The following POLE2 variants were observed in gnomAD, a reference collection of about 807,000 sequenced individuals.
POLE2 encodes the protein DNA polymerase epsilon 2, accessory subunit, also known as DNA polymerase epsilon subunit 2.
A neutral mutation model predicts 79.4 loss-of-function variants in POLE2; 56 were observed. The ratio of observed to expected loss-of-function variants is 0.71; its 90% CI spans 0.57 to 0.88. The LOEUF is 0.88. Among genes scored for constraint, POLE2 ranks in the 40% least tolerant of loss-of-function variants. The pLI is 0.00. For synonymous variants in POLE2, 212 were observed against 214.0 expected (o/e 0.99, Z 0.08); for missense variants, 598 against 638.9 (o/e 0.94, Z 0.69).
At chr14:49,653,914 T>A in intron 15 of POLE2, 76 bp downstream of exon 15, 1 of 838,560 alleles carries the variant, frequency 1.2e-6, no homozygotes, top group Non-Finnish European at 1.9e-6. Context: ...GTGCTGAGAT[T>A]ACAGACATGA....
chr14:49,677,646 T>G, intron 3 of POLE2: 4 of 707,258 alleles, frequency 5.7e-6, no homozygotes, highest in Non-Finnish European at 9.4e-6. Context: ...CTGGGCTGTG[T>G]GATATATGCC....
At chr14:49,673,750 C>A (rs1295902043) in intron 5 of POLE2, among the ~76,000 whole-genome samples, 1 of 152,084 alleles carries the variant, frequency 6.6e-6, no homozygotes, top group Non-Finnish European at 1.5e-5. Context: ...GATCTATGGG[C>A]AAATTACTAA....
In POLE2 at chr14:49,679,788, A is replaced by G. The variant is rs554561242; in HGVS notation, c.182T>C (p.Met61Thr). 6 of 1,592,282 alleles carry G rather than the reference A, an allele frequency of 3.8e-6. No individual in the cohort carries two copies. The African/African-American group carries it at 6.7e-5, about 18-fold the overall frequency. The stretch of plus-strand genomic sequence containing the variant: ...TGCTTCCACCACAGATCGTTCAATC[A>G]TGTTTGATGACACTGAAAAGAGAAT... ...AVEKQPLSSN[M>T]IERSVVEAAV... Residue 61 changes from methionine to threonine, a missense_variant, in exon 3 of 19, where the codon ATG (methionine) becomes ACG (threonine). Met to Thr is a moderately conservative substitution (Grantham distance 81). Coordinates refer to ENST00000216367, the MANE Select transcript of POLE2 (RefSeq NM_002692.4).
intron 5 of POLE2, among the ~76,000 whole-genome samples, chr14:49,670,304 G>A (rs563232377): frequency 4.2e-4 from 38 of 91,426 alleles, no homozygotes; most frequent in East Asian, 1.6e-3. Context: ...CAACAAGAGC[G>A]AAACTGTGTC....
chr14:49,674,033 T>C, intron 5 of POLE2, 90 bp downstream of exon 5: 2 of 818,376 alleles, frequency 2.4e-6, no homozygotes, highest in Non-Finnish European at 4.2e-6. Context: ...TTCCATTCTT[T>C]AAATATCCCT....
At chr14:49,644,400 C>T (rs1477963587) in intron 18 of POLE2, among the ~76,000 whole-genome samples, 1 of 150,958 alleles carries the variant, frequency 6.6e-6, no homozygotes, top group Non-Finnish European at 1.5e-5. Context: ...ATCCCAGCTA[C>T]TCGGGAGGTT....
chr14:49,651,839 C>T (rs1290029090), intron 15 of POLE2, among the ~76,000 whole-genome samples: 1 of 151,962 alleles, frequency 6.6e-6, no homozygotes, highest in African/African-American at 2.4e-5. Context: ...GGAAGAGGGA[C>T]TTAGTCAAGC....
intron 3 of POLE2, chr14:49,677,484 C>A: frequency 2.1e-6 from 1 of 477,756 alleles, no homozygotes; most frequent in South Asian, 2.7e-5. Context: ...CACTTGGATG[C>A]CATGAATCAA....
chr14:49,687,949 C>T (rs1887278573), intron 1 of POLE2, among the ~76,000 whole-genome samples, 187 bp downstream of exon 1: 1 of 152,162 alleles, frequency 6.6e-6, no homozygotes, highest in Non-Finnish European at 1.5e-5. Context: ...CCGCCCGCCT[C>T]GACCTCCCAA....
At chr14:49,653,820 G>T in intron 15 of POLE2, 170 bp downstream of exon 15, 2 of 520,248 alleles carry the variant, frequency 3.8e-6, no homozygotes, top group Admixed American at 3.6e-5. Context: ...GCTAATTTTT[G>T]TACTTTTTGT....
intron 3 of POLE2, among the ~76,000 whole-genome samples, chr14:49,678,156 T>C (rs1351750072): frequency 6.6e-6 from 1 of 151,974 alleles, no homozygotes; most frequent in Admixed American, 6.6e-5. Context: ...TGCACCACCA[T>C]GCCCAGCTAA....
chr14:49,656,564 C>T (rs559240150), intron 10 of POLE2, among the ~76,000 whole-genome samples: 2 of 152,214 alleles, frequency 1.3e-5, no homozygotes, highest in Non-Finnish European at 2.9e-5. Context: ...TATCCAAGAA[C>T]TGTGAAAAAA....
At chr14:49,674,020 A>G in intron 5 of POLE2, 103 bp downstream of exon 5, 1 of 770,696 alleles carries the variant, frequency 1.3e-6, no homozygotes, top group Non-Finnish European at 2.3e-6. Flanking sequence ...TTGGACCACA[A>G]AATTCCATTC....
chr14:49,673,892 T>C (rs1886066039), intron 5 of POLE2, among the ~76,000 whole-genome samples: 1 of 152,224 alleles, frequency 6.6e-6, no homozygotes, highest in Non-Finnish European at 1.5e-5. Context: ...TATTAAATAG[T>C]AACTACTATT....
chr14:49,661,532 C>T (rs865884459), intron 10 of POLE2, among the ~76,000 whole-genome samples: 7 of 152,114 alleles, frequency 4.6e-5, no homozygotes, highest in African/African-American at 1.7e-4. Flanking sequence ...TCAGAAAAGC[C>T]TTACTCACAT....
Position 49,677,821 on chromosome 14 carries a change from C to T in POLE2, c.245+1904G>A, listed in dbSNP as rs1566566176. 6 of 515,390 alleles carry T rather than the reference C, an allele frequency of 1.2e-5. No homozygotes were observed. In the South Asian group the frequency reaches 1.3e-4, roughly 11 times the overall value. The allele number at this position is 515,390 out of a possible 1,614,324, so 31.9% of individuals were successfully genotyped here. On this transcript the variant is annotated intron_variant, in intron 3 of 18. Transcript: ENST00000216367. ...CTGTGGACCTGCAGCAGCACCCTCA[C>T]AATGCTTGCCTCCTCAGTCAGCTGG...
Position 49,674,213 on chromosome 14 carries a change from C to G in POLE2, c.327G>C (p.Leu109=), listed in dbSNP as rs1316191970. 6.2e-7 allele frequency: 1 copy of G among 1,604,868 alleles called. No homozygotes were observed. Among genetic ancestry groups the G allele is most frequent in the Non-Finnish European group, 8.5e-7 (1 of 1,171,712 alleles). ...YNSERKKFLP[L]LMTNHPAPNL... is the part of the protein sequence containing the mutation. ...TTGGTGCAGGGTGGTTGGTCATTAA[C>G]AGACTAGAAAAAGAGAATGCCTATT... Residue 109 remains leucine (L), a synonymous_variant, in exon 5 of 19, where the codon CTG becomes CTC. Transcript: ENST00000216367.
At chr14:49,652,112 G>A (rs73267709) in intron 15 of POLE2, among the ~76,000 whole-genome samples, 2,571 of 151,738 alleles carry the variant, frequency 0.017, 176 homozygotes, top group African/African-American at 0.058. Context: ...AGGTGGATGG[G>A]ATATGCCTTA....
chr14:49,662,483 C>T (rs1885165768), intron 10 of POLE2, among the ~76,000 whole-genome samples: 1 of 152,190 alleles, frequency 6.6e-6, no homozygotes, highest in African/African-American at 2.4e-5. Flanking sequence ...TTTAATTCCC[C>T]CAGAGGTGGC....
Sources: gnomAD v4.1 joint callset for allele counts (sites outside exome capture counted in the v4.1 genomes callset) on GRCh38, gnomAD v4.1.1 for gene constraint, MANE v1.5 for transcripts, NCBI Gene and HGNC (gene_info 2026-07-23, HGNC 2026-07-21) for gene names.